ACAP2: variants seen among roughly 807,000 people sequenced by gnomAD.
ACAP2 encodes ArfGAP with coiled-coil, ankyrin repeat and PH domains 2.
In ACAP2, 39 loss-of-function variants were observed where a neutral mutation model predicts 115.8. The observed-to-expected ratio is 0.34, with a 90% confidence interval of 0.26 to 0.44. The LOEUF is 0.44. Among genes scored for constraint, ACAP2 ranks in the 20% least tolerant of loss-of-function variants. The pLI is 1.00. For synonymous variants in ACAP2, 289 were observed against 315.8 expected, an observed-to-expected ratio of 0.92 and a Z score of 0.90; for missense variants, 662 against 927.6, an observed-to-expected ratio of 0.71 and a Z score of 3.72.
intron 1 of ACAP2, among the ~76,000 whole-genome samples, chr3:195,424,261 G>GTGTGTATA (rs1456909404): frequency 1.2e-3 from 64 of 54,644 alleles, no homozygotes; most frequent in African/African-American, 4.2e-3. Context: ...GTGTGTGTGT[G>GTGTGTATA]TATATATATA....
At chr3:195,289,287 T>C in intron 20 of ACAP2, 56 bp from the exon 21 acceptor site, 1 of 1,264,474 alleles carries the variant, frequency 7.9e-7, no homozygotes, top group Non-Finnish European at 1.1e-6. Flanking sequence ...AAAATTAGTA[T>C]TCACCTTAAA....
At chr3:195,291,244 G>A (rs1727236810) in intron 20 of ACAP2, among the ~76,000 whole-genome samples, 1 of 152,038 alleles carries the variant, frequency 6.6e-6, no homozygotes, top group Admixed American at 6.5e-5. Context: ...AAGACACAAT[G>A]TCAACAACCC....
At chr3:195,303,989 G>A (rs1215570791) in intron 13 of ACAP2, among the ~76,000 whole-genome samples, 1 of 151,646 alleles carries the variant, frequency 6.6e-6, no homozygotes, top group Non-Finnish European at 1.5e-5. Context: ...GTGAAACCCT[G>A]TCTCTACTAA....
intron 4 of ACAP2, among the ~76,000 whole-genome samples, chr3:195,353,080 T>TA (rs530794501): frequency 0.057 from 7,680 of 134,036 alleles, 481 homozygotes; most frequent in African/African-American, 0.16. Flanking sequence ...ACTCTGTCTT[T>TA]AAAAAAAAAA....
intron 1 of ACAP2, among the ~76,000 whole-genome samples, chr3:195,429,402 T>C (rs1274863364): frequency 6.9e-6 from 1 of 145,636 alleles, no homozygotes; most frequent in African/African-American, 2.5e-5. Flanking sequence ...AAAAATGAAC[T>C]AGTGACACAC....
chr3:195,311,749 C>T (rs1728783926), intron 10 of ACAP2, among the ~76,000 whole-genome samples: 1 of 151,940 alleles, frequency 6.6e-6, no homozygotes, highest in Admixed American at 6.6e-5. Context: ...GTTGGCCAAG[C>T]TGGTCTTGAA....
At chr3:195,295,448 GT>G in intron 17 of ACAP2, 1 of 550,226 alleles carries the variant, frequency 1.8e-6, no homozygotes, top group Non-Finnish European at 3.1e-6. Context: ...GAAATGTCAG[GT>G]TTATAATTCC....
intron 4 of ACAP2, among the ~76,000 whole-genome samples, chr3:195,357,942 C>T (rs1442464421): frequency 1.3e-5 from 2 of 152,170 alleles, no homozygotes; most frequent in Non-Finnish European, 2.9e-5. Context: ...CAAACACTTA[C>T]AAAACCATCA....
intron 8 of ACAP2, among the ~76,000 whole-genome samples, chr3:195,332,484 G>A (rs1316240063): frequency 1.3e-5 from 2 of 151,940 alleles, no homozygotes; most frequent in African/African-American, 2.4e-5. Flanking sequence ...TACCCAAAAC[G>A]CAAACATTTG....
intron 1 of ACAP2, among the ~76,000 whole-genome samples, chr3:195,407,370 G>T (rs919915828): frequency 6.6e-6 from 1 of 151,696 alleles, no homozygotes; most frequent in South Asian, 2.1e-4. Flanking sequence ...ATTAAAAAAA[G>T]GAAAAAATAC....
chr3:195,341,844 C>T (rs1375288469), intron 6 of ACAP2, among the ~76,000 whole-genome samples: 1 of 152,222 alleles, frequency 6.6e-6, no homozygotes, highest in African/African-American at 2.4e-5. Context: ...GTTACAGCAA[C>T]TTAGAAGGAA....
intron 1 of ACAP2, among the ~76,000 whole-genome samples, chr3:195,423,425 C>A (rs1714347263): frequency 6.6e-6 from 1 of 152,088 alleles, no homozygotes; most frequent in South Asian, 2.1e-4. Flanking sequence ...GAGTTCCAGA[C>A]CAGCCTGGCC....
chr3:195,343,953 A>G (rs1456703464), intron 5 of ACAP2, among the ~76,000 whole-genome samples: 3 of 152,204 alleles, frequency 2.0e-5, no homozygotes, highest in Non-Finnish European at 2.9e-5. Flanking sequence ...GGTGCCTGTA[A>G]TCCCAGTGCT....
intron 8 of ACAP2, among the ~76,000 whole-genome samples, chr3:195,329,346 A>T (rs990805820): frequency 6.6e-6 from 1 of 152,106 alleles, no homozygotes; most frequent in Admixed American, 6.5e-5. Context: ...GACATTATCA[A>T]TGTTAATAGG....
At chr3:195,381,201 A>T in intron 3 of ACAP2, 139 bp from the exon 4 acceptor site, 1 of 649,450 alleles carries the variant, frequency 1.5e-6, no homozygotes, top group South Asian at 2.0e-5. Context: ...ACAATCTCAC[A>T]CTACCTTATG....
intron 15 of ACAP2, among the ~76,000 whole-genome samples, chr3:195,300,863 A>G (rs1727999220): frequency 6.6e-6 from 1 of 152,084 alleles, no homozygotes; most frequent in South Asian, 2.1e-4. Flanking sequence ...CGAAAAATAC[A>G]AAAATTAGCC....
intron 15 of ACAP2, among the ~76,000 whole-genome samples, chr3:195,300,358 C>T (rs375647322): frequency 1.8e-4 from 28 of 152,144 alleles, no homozygotes; most frequent in African/African-American, 6.5e-4. Flanking sequence ...GGATTTCAGA[C>T]AGAAACAAAT....
chr3:195,391,675 A>G (rs1319919461), intron 2 of ACAP2, among the ~76,000 whole-genome samples: 3 of 152,146 alleles, frequency 2.0e-5, no homozygotes, highest in Non-Finnish European at 4.4e-5. Context: ...AACTGGGATA[A>G]TAATAGCATT....
At position 195,367,768 on chromosome 3, in the gene ACAP2, G is replaced by A. The variant is rs564004599; in HGVS notation, c.285+13241C>T. Among the ~76,000 whole-genome samples, 57 of 152,310 alleles carry A rather than the reference G, an allele frequency of 3.7e-4. 1 individual carries two copies. In the South Asian group the frequency reaches 8.5e-3, roughly 23 times the overall value. Reference sequence around the variant, plus strand: ...GGGAGAGAGGCCAAATGTAGAGAGAGAAGTCCTAGAAGATGAGAGACTCCA... The same window carrying A: ...GGGAGAGAGGCCAAATGTAGAGAGAAAAGTCCTAGAAGATGAGAGACTCCA... On this transcript the variant is annotated intron_variant, in intron 4 of 22. Coordinates refer to ENST00000326793, the MANE Select transcript of ACAP2 (RefSeq NM_012287.6).
Sources: allele counts gnomAD v4.1 joint callset (sites outside exome capture counted in the v4.1 genomes callset), GRCh38; gene constraint gnomAD v4.1.1; transcripts MANE v1.5; gene names NCBI Gene and HGNC (gene_info 2026-07-23, HGNC 2026-07-21).